Variants in BRD10 observed in about 807,000 individuals in gnomAD.
BRD10 encodes the protein uncharacterized bromodomain-containing protein 10.
chr9:5,969,502 T>C, the BRD10 span: 1 of 1,100,506 alleles, frequency 9.1e-7, no homozygotes, highest in Non-Finnish European at 1.3e-6. Context: ...AAATTTTAAG[T>C]ATATTTATCT....
the BRD10 span, among the ~76,000 whole-genome samples, chr9:5,966,119 A>G: frequency 2.0e-5 from 3 of 152,180 alleles, no homozygotes; most frequent in African/African-American, 7.2e-5. Flanking sequence ...AAGTATACAA[A>G]CAAGTGTATT....
chr9:5,981,622 T>TTCTA, the BRD10 span, among the ~76,000 whole-genome samples: 53 of 150,896 alleles, frequency 3.5e-4, no homozygotes, highest in East Asian at 3.3e-3. Flanking sequence ...TGTATCTATC[T>TTCTA]TCTATCTATC....
the BRD10 span, chr9:5,945,034 T>C: frequency 4.9e-6 from 3 of 612,960 alleles, no homozygotes; most frequent in South Asian, 8.1e-5. Context: ...CAGAAGTTGT[T>C]TTAACACACA....
the BRD10 span, among the ~76,000 whole-genome samples, chr9:5,973,041 G>T: frequency 5.8e-4 from 88 of 152,224 alleles, no homozygotes; most frequent in African/African-American, 1.9e-3. Flanking sequence ...GAAGAACAGT[G>T]ATCCCTAACT....
the BRD10 span, among the ~76,000 whole-genome samples, chr9:5,935,194 C>A: frequency 6.6e-6 from 1 of 152,274 alleles, no homozygotes. Flanking sequence ...GATACTCTTA[C>A]CAATTTTTAC....
the BRD10 span, among the ~76,000 whole-genome samples, chr9:5,904,459 G>A: frequency 6.6e-6 from 1 of 151,568 alleles, no homozygotes; most frequent in South Asian, 2.1e-4. Flanking sequence ...CTCCTTTCTT[G>A]GCATATCAGT....
chr9:5,898,422 T>C, the BRD10 span, among the ~76,000 whole-genome samples: 1 of 152,214 alleles, frequency 6.6e-6, no homozygotes, highest in Non-Finnish European at 1.5e-5. Flanking sequence ...AATCCATTCA[T>C]GAGGACAGAG....
At chr9:5,950,079 C>G in the BRD10 span, among the ~76,000 whole-genome samples, 3 of 152,076 alleles carry the variant, frequency 2.0e-5, no homozygotes, top group African/African-American at 2.4e-5. Flanking sequence ...CAGGGATAAA[C>G]GTAAGTTTTC....
At chr9:5,906,997 T>C in the BRD10 span, 15 of 1,584,164 alleles carry the variant, frequency 9.5e-6, no homozygotes, top group Admixed American at 1.9e-5. Context: ...TGTGAACCTG[T>C]GGTAGGTTAA....
chr9:5,937,999 T>C, the BRD10 span, among the ~76,000 whole-genome samples: 1 of 152,148 alleles, frequency 6.6e-6, no homozygotes, highest in East Asian at 1.9e-4. Context: ...TGATTCTCCA[T>C]AAAATTCATG....
the BRD10 span, among the ~76,000 whole-genome samples, chr9:5,898,627 G>C: frequency 6.6e-6 from 1 of 152,140 alleles, no homozygotes; most frequent in African/African-American, 2.4e-5. Flanking sequence ...CACAGGGGAA[G>C]GGGTTTGAGG....
chr9:5,982,247 G>A, the BRD10 span, among the ~76,000 whole-genome samples: 3 of 151,946 alleles, frequency 2.0e-5, no homozygotes, highest in Non-Finnish European at 4.4e-5. Context: ...GCTACAAACT[G>A]AACACAATAT....
chr9:5,977,489 A>T, the BRD10 span, among the ~76,000 whole-genome samples: 1 of 152,186 alleles, frequency 6.6e-6, no homozygotes, highest in Non-Finnish European at 1.5e-5. Context: ...GAGTTAATAT[A>T]TATAATCAGC....
chr9:5,956,985 G>A, the BRD10 span, among the ~76,000 whole-genome samples: 1 of 152,134 alleles, frequency 6.6e-6, no homozygotes, highest in East Asian at 1.9e-4. Flanking sequence ...AAGGGATGCA[G>A]GTAACTGTTT....
At chr9:5,974,596 T>C in the BRD10 span, among the ~76,000 whole-genome samples, 2 of 152,084 alleles carry the variant, frequency 1.3e-5, no homozygotes, top group African/African-American at 2.4e-5. Flanking sequence ...GACTCCCTTA[T>C]TGAGAAGGAG....
the BRD10 span, among the ~76,000 whole-genome samples, chr9:5,954,949 G>C: frequency 6.6e-6 from 1 of 152,010 alleles, no homozygotes; most frequent in African/African-American, 2.4e-5. Flanking sequence ...TTAGCCGGGT[G>C]TGGTGGTGCG....
chr9:5,959,086 T>C, the BRD10 span, among the ~76,000 whole-genome samples: 5 of 152,218 alleles, frequency 3.3e-5, no homozygotes, highest in African/African-American at 1.2e-4. Flanking sequence ...CCATTTCTTT[T>C]TACCCTTTAA....
chr9:5,908,785 G>C, the BRD10 span: 2 of 1,395,798 alleles, frequency 1.4e-6, no homozygotes, highest in South Asian at 2.4e-5. Flanking sequence ...GACATCTAAT[G>C]TTCTCCTTTG....
chr9:5,923,484 A>C, the BRD10 span, among the ~76,000 whole-genome samples: 1 of 152,358 alleles, frequency 6.6e-6, no homozygotes, highest in Admixed American at 6.5e-5. Context: ...GTCATCTTTG[A>C]CATGATAATC....
Sources: gnomAD v4.1 joint callset for allele counts (sites outside exome capture counted in the v4.1 genomes callset) on GRCh38, gnomAD v4.1.1 for gene constraint, MANE v1.5 for transcripts, NCBI Gene and HGNC (gene_info 2026-07-23, HGNC 2026-07-21) for gene names.